NRG1: variants seen among roughly 807,000 people sequenced by gnomAD.
NRG1 encodes the protein pro-neuregulin-1, membrane-bound isoform.
NRG1 carries 18 observed loss-of-function variants against 63.8 expected under a neutral mutation model. The ratio of observed to expected loss-of-function variants is 0.28; its 90% confidence interval spans 0.19 to 0.42. The LOEUF is 0.42. NRG1 is among the 10% of genes least tolerant of loss of function. NRG1 has a pLI of 1.00. For missense variants in NRG1, 762 were observed against 814.7 expected, an observed-to-expected ratio of 0.94 and a Z score of 0.79; for synonymous variants, 302 against 301.3, an observed-to-expected ratio of 1.00 and a Z score of -0.02.
chr8:32,503,705 G>T (rs1197447588), intron 1 of NRG1, among the ~76,000 whole-genome samples: 1 of 152,158 alleles, frequency 6.6e-6, no homozygotes, highest in East Asian at 1.9e-4. Context: ...ATCCATACGG[G>T]TATGCAGCAT....
chr8:32,617,575 C>T (rs902982944), intron 5 of NRG1, among the ~76,000 whole-genome samples: 5 of 152,140 alleles, frequency 3.3e-5, no homozygotes, highest in African/African-American at 1.2e-4. Flanking sequence ...AGAATATCAT[C>T]GTATTAAATT....
At chr8:31,699,452 C>A (rs1810411678) in intron 1 of NRG1, among the ~76,000 whole-genome samples, 1 of 152,012 alleles carries the variant, frequency 6.6e-6, no homozygotes, top group African/African-American at 2.4e-5. Flanking sequence ...TTTAGTTGCC[C>A]AAGTTGTGTC....
At chr8:32,271,466 AT>A (rs1851537425) in intron 1 of NRG1, among the ~76,000 whole-genome samples, 1 of 152,140 alleles carries the variant, frequency 6.6e-6, no homozygotes, top group South Asian at 2.1e-4. Context: ...AGTTGGGTAA[AT>A]TTTTTATTAT....
At chr8:32,146,447 C>T (rs969301315) in intron 1 of NRG1, among the ~76,000 whole-genome samples, 11 of 152,154 alleles carry the variant, frequency 7.2e-5, no homozygotes, top group Non-Finnish European at 1.5e-4. Flanking sequence ...GATCTTCCTC[C>T]TCTACATTAA....
chr8:32,006,773 T>TC, intron 1 of NRG1, among the ~76,000 whole-genome samples: 1 of 152,042 alleles, frequency 6.6e-6, no homozygotes, highest in East Asian at 1.9e-4. Flanking sequence ...AGTGGTTTCT[T>TC]CCCCCACATT....
intron 1 of NRG1, among the ~76,000 whole-genome samples, chr8:31,674,035 A>G (rs1376327728): frequency 6.6e-6 from 1 of 152,200 alleles, no homozygotes; most frequent in East Asian, 1.9e-4. Flanking sequence ...TATGAATGAG[A>G]TCATACAGTA....
intron 5 of NRG1, chr8:32,647,133 C>T (rs961472558): frequency 3.0e-6 from 3 of 985,210 alleles, no homozygotes; most frequent in East Asian, 1.1e-4. Context: ...AGTGATGCTC[C>T]GAGGGCAGGC....
chr8:32,353,728 G>A (rs529885413), intron 1 of NRG1, among the ~76,000 whole-genome samples: 4 of 152,264 alleles, frequency 2.6e-5, no homozygotes, highest in South Asian at 4.1e-4. Flanking sequence ...AGAAATGTAC[G>A]ATGACACAAC....
In NRG1 at chr8:31,640,056, C is replaced by T. The variant is rs1465747101; in HGVS notation, c.37+625C>T. The stretch of plus-strand genomic sequence containing the variant: ...GGGCCCAGCGCCCCGGCTCCGCCGC[C>T]CGCTCGTCGCCGCCGCTGCCGCTGC... On this transcript the variant is annotated intron_variant, in intron 1 of 10. Transcript: ENST00000519301. The surrounding 1 kb of genome is among the most constrained non-coding windows in gnomAD (Gnocchi z 6.3). The T allele has an allele frequency of 8.8e-7, 1 of 1,139,038 alleles. No homozygotes were observed. The highest frequency in any genetic ancestry group is 1.1e-6 in the Non-Finnish European group (1 of 930,066). The allele number at this position is 1,139,038 out of a possible 1,614,324, so 70.6% of individuals were successfully genotyped here. A position where few individuals can be genotyped will look rare whatever the true frequency, so the allele number is the denominator to read the frequency against.
chr8:32,646,474 T>C (rs1181903276), intron 5 of NRG1, among the ~76,000 whole-genome samples: 1 of 152,134 alleles, frequency 6.6e-6, no homozygotes. Flanking sequence ...GTTGAAAAGC[T>C]TACCTCTCTA....
At chr8:32,512,746 G>T (rs921095924) in intron 1 of NRG1, among the ~76,000 whole-genome samples, 1 of 152,076 alleles carries the variant, frequency 6.6e-6, no homozygotes, top group Non-Finnish European at 1.5e-5. Flanking sequence ...TTGCCTTCCT[G>T]GTACAATGGA....
chr8:31,765,717 G>T (rs1817993948), intron 1 of NRG1, among the ~76,000 whole-genome samples: 2 of 152,136 alleles, frequency 1.3e-5, no homozygotes, highest in African/African-American at 4.8e-5. Context: ...TGTGGATAGA[G>T]AAAAGAAAAA....
At chr8:32,734,426 TGTATTTGTA>T (rs1402475327) in intron 6 of NRG1, among the ~76,000 whole-genome samples, 3 of 152,154 alleles carry the variant, frequency 2.0e-5, no homozygotes, top group African/African-American at 4.8e-5. Context: ...ACACTTTTGT[TGTATTTGTA>T]GTATTTGTTG....
chr8:32,232,716 G>A (rs1282811488), intron 1 of NRG1, among the ~76,000 whole-genome samples: 2 of 152,020 alleles, frequency 1.3e-5, no homozygotes, highest in Non-Finnish European at 2.9e-5. Context: ...TTTTAGCAAG[G>A]GTCATAGGAA....
chr8:31,919,043 G>A (rs1833665998), intron 1 of NRG1, among the ~76,000 whole-genome samples: 2 of 152,050 alleles, frequency 1.3e-5, no homozygotes, highest in South Asian at 4.1e-4. Flanking sequence ...GGGATCAGTG[G>A]TGATATCCCC....
At chr8:31,702,464 T>G (rs995039794) in intron 1 of NRG1, among the ~76,000 whole-genome samples, 2 of 151,676 alleles carry the variant, frequency 1.3e-5, no homozygotes, top group Admixed American at 1.3e-4. Flanking sequence ...TTTTTTTTTT[T>G]GCAGACTTTT....
chr8:31,844,656 G>A (rs1394049798), intron 1 of NRG1, among the ~76,000 whole-genome samples: 2 of 152,146 alleles, frequency 1.3e-5, no homozygotes, highest in African/African-American at 4.8e-5. Context: ...ACTCACTCAT[G>A]TGTGGGTCAG....
chr8:32,311,879 G>A (rs550047280), intron 1 of NRG1, among the ~76,000 whole-genome samples: 12 of 152,290 alleles, frequency 7.9e-5, no homozygotes, highest in Middle Eastern at 3.4e-3. Flanking sequence ...GCAGTACTAA[G>A]TCTCTCCTCT....
intron 1 of NRG1, among the ~76,000 whole-genome samples, chr8:32,247,310 C>T (rs542254046): frequency 6.6e-6 from 1 of 152,166 alleles, no homozygotes; most frequent in Non-Finnish European, 1.5e-5. Context: ...TAGGAATTTT[C>T]CATACAGCAT....
Sources: gnomAD v4.1 joint callset for allele counts (sites outside exome capture counted in the v4.1 genomes callset) on GRCh38, gnomAD v4.1.1 for gene constraint, Gnocchi (gnomAD v3.1) non-coding constraint, MANE v1.5 for transcripts, NCBI Gene and HGNC (gene_info 2026-07-23, HGNC 2026-07-21) for gene names.